The following RBM20 variants were observed in gnomAD, a reference collection of about 807,000 sequenced individuals.
The protein encoded by RBM20 is RNA-binding protein 20.
RBM20 carries 51 observed loss-of-function variants against 110.1 expected under a neutral mutation model. The observed-to-expected ratio is 0.46, with a 90% CI of 0.37 to 0.59. The LOEUF (loss-of-function observed/expected upper bound fraction) is 0.59, where lower values mean the gene tolerates loss of function less well. Among genes scored for constraint, RBM20 ranks in the 20% least tolerant of loss-of-function variants. RBM20 has a pLI of 0.00. For synonymous variants in RBM20, 589 were observed against 618.2 expected (o/e 0.95, Z 0.70); for missense variants, 1,512 against 1,574.9 (o/e 0.96, Z 0.68).
intron 1 of RBM20, among the ~76,000 whole-genome samples, chr10:110,745,616 A>G (rs181446551): frequency 2.0e-5 from 3 of 152,216 alleles, no homozygotes; most frequent in East Asian, 3.9e-4. Flanking sequence ...GTCACTCAGC[A>G]TTTGCATACG....
intron 1 of RBM20, among the ~76,000 whole-genome samples, chr10:110,703,678 G>C (rs1862792656): frequency 6.6e-6 from 1 of 152,102 alleles, no homozygotes; most frequent in South Asian, 2.1e-4. Context: ...CACTACAGTC[G>C]AGATACTAAA....
At chr10:110,646,066 A>G (rs914708424) in intron 1 of RBM20, among the ~76,000 whole-genome samples, 1 of 152,232 alleles carries the variant, frequency 6.6e-6, no homozygotes, top group Non-Finnish European at 1.5e-5. Flanking sequence ...GAAAAATCCA[A>G]TTTGGCCAAT....
chr10:110,821,773 G>A lies in RBM20; in HGVS notation c.3154G>A (p.Ala1052Thr), dbSNP rs890053031. The A allele has an allele frequency of 3.3e-5, 51 of 1,551,670 alleles. No homozygotes were observed. The highest frequency in any genetic ancestry group is 4.4e-5 in the Non-Finnish European group (51 of 1,147,012). The stretch of plus-strand genomic sequence containing the variant: ...CCAGCAAATGTCTTCCCCTAAGCCA[G>A]CAGAGGAGAGGGCCCGGCAGCCAAG... ...TVQQMSSPKPAEERARQPSPF... is the reference protein window; with the variant it reads ...TVQQMSSPKPTEERARQPSPF... The change falls in exon 11 of 14, where the codon GCA becomes ACA. Residue 1052 changes from alanine (A) to threonine (T), a missense_variant. By Grantham distance (58) the Ala-to-Thr change is moderately conservative. Coordinates refer to ENST00000369519, the MANE Select transcript of RBM20 (RefSeq NM_001134363.3).
intron 1 of RBM20, among the ~76,000 whole-genome samples, chr10:110,767,054 G>A (rs866730980): frequency 2.3e-5 from 3 of 129,524 alleles, no homozygotes; most frequent in South Asian, 2.6e-4. Context: ...CTCACCTCCC[G>A]GACGGGGCGG....
At chr10:110,760,058 A>T (rs183072733) in intron 1 of RBM20, among the ~76,000 whole-genome samples, 2 of 152,148 alleles carry the variant, frequency 1.3e-5, no homozygotes, top group Non-Finnish European at 2.9e-5. Flanking sequence ...CCAAGAAGCT[A>T]TCTTGATGTT....
intron 1 of RBM20, among the ~76,000 whole-genome samples, chr10:110,701,443 A>T (rs1862757009): frequency 1.3e-5 from 2 of 152,138 alleles, no homozygotes; most frequent in African/African-American, 4.8e-5. Flanking sequence ...CACGGGGAAC[A>T]TGCTGTTCCC....
chr10:110,668,899 A>C (rs1042152998), intron 1 of RBM20, among the ~76,000 whole-genome samples: 8 of 151,458 alleles, frequency 5.3e-5, no homozygotes, highest in East Asian at 1.9e-4. Flanking sequence ...AAAAAAAAAA[A>C]ACCAAAAAAC....
intron 12 of RBM20, among the ~76,000 whole-genome samples, chr10:110,830,033 A>G (rs1201565739): frequency 1.3e-5 from 2 of 152,208 alleles, no homozygotes; most frequent in African/African-American, 4.8e-5. Context: ...CTGCACAGTC[A>G]GGTGCCTGGT....
chr10:110,810,557 C>G (rs1277877463), intron 8 of RBM20, 95 bp downstream of exon 8: 1 of 832,482 alleles, frequency 1.2e-6, no homozygotes, highest in East Asian at 2.7e-5. Context: ...CATGCTGTGC[C>G]CTGTTCTTGC....
intron 1 of RBM20, among the ~76,000 whole-genome samples, chr10:110,666,018 G>GA (rs1195192167): frequency 4.2e-4 from 40 of 95,732 alleles, no homozygotes; most frequent in African/African-American, 1.4e-3. Context: ...AGAGAGAGAG[G>GA]GGAAGGAAGG....
intron 1 of RBM20, among the ~76,000 whole-genome samples, chr10:110,683,675 T>C (rs968155505): frequency 7.9e-5 from 12 of 152,260 alleles, no homozygotes; most frequent in Non-Finnish European, 1.6e-4. Context: ...TTTGCCTCAA[T>C]TGGAGAGCCA....
intron 1 of RBM20, among the ~76,000 whole-genome samples, chr10:110,718,727 T>C (rs1430519346): frequency 1.3e-5 from 2 of 150,878 alleles, no homozygotes; most frequent in African/African-American, 4.9e-5. Context: ...TTCTTCTGCC[T>C]CAGCTTCCCA....
chr10:110,735,526 T>G (rs887261203), intron 1 of RBM20, among the ~76,000 whole-genome samples: 1 of 152,212 alleles, frequency 6.6e-6, no homozygotes, highest in Non-Finnish European at 1.5e-5. Context: ...TTTCCGAGCC[T>G]CCTGTTAATC....
At chr10:110,732,747 A>G (rs1843632401) in intron 1 of RBM20, among the ~76,000 whole-genome samples, 1 of 152,162 alleles carries the variant, frequency 6.6e-6, no homozygotes, top group Non-Finnish European at 1.5e-5. Flanking sequence ...GACTGAAATC[A>G]TGTCAAGGGT....
intron 1 of RBM20, among the ~76,000 whole-genome samples, chr10:110,648,978 AG>A (rs963454255): frequency 6.6e-6 from 1 of 152,164 alleles, no homozygotes; most frequent in African/African-American, 2.4e-5. Context: ...CCAGTGCTGT[AG>A]GGGGGAAAAG....
intron 1 of RBM20, among the ~76,000 whole-genome samples, chr10:110,745,313 C>T (rs1843766377): frequency 6.6e-6 from 1 of 152,170 alleles, no homozygotes; most frequent in African/African-American, 2.4e-5. Flanking sequence ...CTGCAGGCTG[C>T]ATTTCCAGGC....
At chr10:110,644,021 C>T (rs1213124880), upstream of RBM20, among the ~76,000 whole-genome samples, 7 of 152,292 alleles carry the variant, frequency 4.6e-5, no homozygotes, top group Non-Finnish European at 7.4e-5. The surrounding 1 kb of genome is among the most constrained non-coding windows in gnomAD (Gnocchi z 4.3). Flanking sequence ...GCGCGGCGGC[C>T]GACCGCGGGC....
At chr10:110,783,654 C>A (rs1844382740) in intron 3 of RBM20, among the ~76,000 whole-genome samples, 1 of 152,182 alleles carries the variant, frequency 6.6e-6, no homozygotes, top group African/African-American at 2.4e-5. Flanking sequence ...GCAGAAAACA[C>A]CAGGCAGAGG....
chr10:110,661,650 G>T (rs1862103399), intron 1 of RBM20, among the ~76,000 whole-genome samples: 1 of 152,204 alleles, frequency 6.6e-6, no homozygotes, highest in Non-Finnish European at 1.5e-5. Flanking sequence ...TAAGAAAGCA[G>T]GGTGAGAGGA....
Sources: allele counts gnomAD v4.1 joint callset (sites outside exome capture counted in the v4.1 genomes callset), GRCh38; gene constraint gnomAD v4.1.1; non-coding constraint Gnocchi (gnomAD v3.1); transcripts MANE v1.5; gene names NCBI Gene and HGNC (gene_info 2026-07-23, HGNC 2026-07-21).